The following ADGRF1 variants were observed in gnomAD, a reference collection of about 807,000 sequenced individuals.
The protein encoded by ADGRF1 is adhesion G protein-coupled receptor F1.
A neutral mutation model predicts 87.2 loss-of-function variants in ADGRF1; 85 were observed. That is an observed-to-expected ratio of 0.97 (90% confidence interval 0.82 to 1.17). The LOEUF is 1.17. ADGRF1 is among the 50% of genes most tolerant of loss of function. The pLI is 0.00. For missense variants in ADGRF1, 1,169 were observed against 1,077.2 expected (o/e 1.09, Z -1.19); for synonymous variants, 430 against 408.8 (o/e 1.05, Z -0.63).
At chr6:47,040,781 G>T (rs1351599262) in intron 1 of ADGRF1, among the ~76,000 whole-genome samples, 1 of 152,168 alleles carries the variant, frequency 6.6e-6, no homozygotes. Context: ...TTGAATGAAT[G>T]TGTTCATTTA....
At chr6:47,017,707 AC>A (rs1185696218) in intron 7 of ADGRF1, 1 of 150,752 alleles carries the variant, frequency 6.6e-6, no homozygotes, top group African/African-American at 2.5e-5. Flanking sequence ...AAAAAAAAAA[AC>A]TGGATTATTC....
intron 1 of ADGRF1, among the ~76,000 whole-genome samples, chr6:47,039,206 A>G (rs1450882774): frequency 6.6e-6 from 1 of 152,214 alleles, no homozygotes; most frequent in African/African-American, 2.4e-5. Context: ...GGAGATTAAA[A>G]ACTGACATTT....
At chr6:47,013,435 T>C (rs1561869843) in intron 9 of ADGRF1, 35 of 985,304 alleles carry the variant, frequency 3.6e-5, no homozygotes, top group Admixed American at 6.2e-5. Flanking sequence ...TGAATACTAT[T>C]CTGGGGTTTT....
chr6:47,024,292 T>C, intron 4 of ADGRF1, 75 bp from the exon 5 acceptor site: 1 of 1,033,870 alleles, frequency 9.7e-7, no homozygotes, highest in Non-Finnish European at 1.4e-6. Flanking sequence ...GATTTTATTT[T>C]ATATATGTTT....
At chr6:47,014,521 G>A (rs1030389417) in intron 9 of ADGRF1, 160 bp downstream of exon 9, 44 of 1,408,874 alleles carry the variant, frequency 3.1e-5, no homozygotes, top group East Asian at 1.3e-4. Context: ...ACTCATGCAC[G>A]ACTCCACGGG....
chr6:47,028,374 T>G (rs1298856112), intron 2 of ADGRF1, among the ~76,000 whole-genome samples: 1 of 151,788 alleles, frequency 6.6e-6, no homozygotes, highest in Non-Finnish European at 1.5e-5. Context: ...GTGAGAAGAG[T>G]CAAGCATGAT....
chr6:47,016,274 T>A (rs1779876086), intron 8 of ADGRF1, among the ~76,000 whole-genome samples: 1 of 152,138 alleles, frequency 6.6e-6, no homozygotes, highest in Non-Finnish European at 1.5e-5. Context: ...CATAATTTCT[T>A]GGATTGTGAC....
intron 1 of ADGRF1, among the ~76,000 whole-genome samples, chr6:47,034,180 A>G (rs1033567542): frequency 6.6e-6 from 1 of 152,206 alleles, no homozygotes; most frequent in Non-Finnish European, 1.5e-5. Flanking sequence ...ATACAGTAAG[A>G]GGAAAAATAA....
chr6:47,007,328 T>C (rs779981761), intron 11 of ADGRF1, 34 bp from the exon 12 acceptor site: 20 of 1,326,188 alleles, frequency 1.5e-5, no homozygotes, highest in Non-Finnish European at 2.1e-5. Context: ...ACATGTATTG[T>C]ATTTTTCTTT....
chr6:47,018,167 A>C (rs1225795104), intron 7 of ADGRF1: 3 of 257,804 alleles, frequency 1.2e-5, no homozygotes, highest in African/African-American at 6.9e-5. Context: ...TGGTTATTTG[A>C]GTCTGGAGTT....
At chr6:47,019,742 G>A (rs1779988630) in intron 7 of ADGRF1, 1 of 973,756 alleles carries the variant, frequency 1.0e-6, no homozygotes, top group Admixed American at 6.2e-5. Flanking sequence ...GTGTTTTTAA[G>A]TTAACTGTGA....
intron 1 of ADGRF1, among the ~76,000 whole-genome samples, chr6:47,031,149 A>G (rs1393822281): frequency 6.6e-6 from 1 of 152,132 alleles, no homozygotes; most frequent in Non-Finnish European, 1.5e-5. Flanking sequence ...GGAGCTTTCA[A>G]ATGGGATAAC....
chr6:47,018,327 A>G (rs2113890874), intron 7 of ADGRF1: 1 of 1,159,880 alleles, frequency 8.6e-7, no homozygotes, highest in South Asian at 1.5e-5. Flanking sequence ...TTTATAGATA[A>G]GAGAACTGAG....
intron 13 of ADGRF1, among the ~76,000 whole-genome samples, chr6:47,005,174 C>CA (rs1390523312): frequency 2.0e-5 from 3 of 152,098 alleles, no homozygotes; most frequent in African/African-American, 7.2e-5. Flanking sequence ...ATTGAAAACA[C>CA]AAAATATGTG....
Position 47,024,120 on chromosome 6 carries a change from G to A in ADGRF1, c.375C>T (p.His125=). The A allele has an allele frequency of 1.2e-6, 2 of 1,614,112 alleles. No individual in the cohort carries two copies. The highest frequency in any genetic ancestry group is 1.7e-6 in the Non-Finnish European group (2 of 1,179,966). ...CACAGCTTGGGAGTGCTCCAGCCGT[G>A]TGAAGGTAGCAGTTCTGGGGATCAA... ...SCLDPQNCYL[H]TAGALPSCEC... Residue 125 remains histidine (H), a synonymous_variant, in exon 5 of 15, where the codon CAC becomes CAT. Transcript: ENST00000371253.
At chr6:47,027,276 T>C (rs1480053206) in intron 3 of ADGRF1, among the ~76,000 whole-genome samples, 1 of 152,242 alleles carries the variant, frequency 6.6e-6, no homozygotes, top group Non-Finnish European at 1.5e-5. Context: ...ATGGCAGATT[T>C]ATTGCATGGT....
Position 47,010,184 on chromosome 6 carries a change from C to A in ADGRF1, c.1251G>T (p.Pro417=). 6.2e-7 allele frequency: 1 copy of A among 1,614,086 alleles called. No homozygotes were observed. Among genetic ancestry groups the A allele is most frequent in the Non-Finnish European group, 8.5e-7 (1 of 1,180,000 alleles). Residue 417 remains proline, a synonymous_variant, in exon 11 of 15, where the codon CCG becomes CCT. Transcript: ENST00000371253. ...TLENISTLVP[P]TALPLNFSRK... ...GAGAAAAATTCAGAGGAAGAGCTGT[C>A]GGAGGCACCAGAGTGCTGATGTTTT...
At chr6:47,030,180 G>A (rs1780369390) in intron 1 of ADGRF1, among the ~76,000 whole-genome samples, 1 of 152,162 alleles carries the variant, frequency 6.6e-6, no homozygotes, top group Non-Finnish European at 1.5e-5. Flanking sequence ...CCGAGAAAAG[G>A]CATTAGAGAC....
chr6:47,027,739 T>A lies in ADGRF1; in HGVS notation c.92A>T (p.Lys31Ile). The change falls in exon 3 of 15, where the codon AAA becomes ATA. Residue 31 changes from lysine to isoleucine, a missense_variant. By Grantham distance (102) the Lys-to-Ile change is moderately radical. Transcript: ENST00000371253. ...FLGKNDGIKT[K>I]KELIVNKKKH... ...TTTCTTATTCACAATGAGTTCTTTT[T>A]TTGTTTTGATGCCATCATTTTTCTG... The A allele has an allele frequency of 1.9e-6, 3 of 1,594,770 alleles. No individual in the cohort carries two copies. Among genetic ancestry groups the A allele is most frequent in the Admixed American group, 1.7e-5 (1 of 59,838 alleles).
Sources: gnomAD v4.1 joint callset for allele counts (sites outside exome capture counted in the v4.1 genomes callset) on GRCh38, gnomAD v4.1.1 for gene constraint, MANE v1.5 for transcripts, NCBI Gene and HGNC (gene_info 2026-07-23, HGNC 2026-07-21) for gene names.